The following GARIN5A variants were observed in gnomAD, a reference collection of about 807,000 sequenced individuals.
GARIN5A encodes the protein Golgi-associated RAB2 interactor protein 5A.
the GARIN5A span, among the ~76,000 whole-genome samples, chr19:50,471,960 A>ATG: frequency 6.8e-6 from 1 of 147,700 alleles, no homozygotes; most frequent in Admixed American, 6.7e-5. Flanking sequence ...ACATGTATGT[A>ATG]TGTATATATA....
chr19:50,471,722 ATACATGCACGTGTGTGTATACG>A, the GARIN5A span, among the ~76,000 whole-genome samples: 2 of 147,510 alleles, frequency 1.4e-5, no homozygotes, highest in Non-Finnish European at 3.0e-5. Context: ...GTGTATACGC[ATACATGCACGTGTGTGTATACG>A]CATACATGCA....
the GARIN5A span, chr19:50,476,520 C>T: frequency 7.6e-6 from 12 of 1,569,318 alleles, no homozygotes; most frequent in Admixed American, 1.6e-4. Flanking sequence ...CACAGCCGTC[C>T]CTTCGCTGGT....
the GARIN5A span, among the ~76,000 whole-genome samples, chr19:50,471,716 ATACGCATACATGCACGTGTG>A: frequency 2.0e-5 from 3 of 148,086 alleles, no homozygotes; most frequent in Non-Finnish European, 4.4e-5. Context: ...ACGTGTGTGT[ATACGCATACATGCACGTGTG>A]TGTATACGCA....
At chr19:50,469,797 A>T in the GARIN5A span, among the ~76,000 whole-genome samples, 1 of 152,090 alleles carries the variant, frequency 6.6e-6, no homozygotes, top group Non-Finnish European at 1.5e-5. Context: ...AGACACCCTC[A>T]CACCTGTGCA....
At chr19:50,471,774 C>CCG in the GARIN5A span, among the ~76,000 whole-genome samples, 1 of 127,532 alleles carries the variant, frequency 7.8e-6, no homozygotes, top group Admixed American at 7.9e-5. Context: ...GCATACATAC[C>CCG]TGTGTGTATA....
the GARIN5A span, chr19:50,476,185 G>A: frequency 7.4e-6 from 12 of 1,613,562 alleles, no homozygotes; most frequent in Admixed American, 5.0e-5. Flanking sequence ...GCTTAGGGCC[G>A]CGATCCCGCC....
At chr19:50,470,531 C>T in the GARIN5A span, among the ~76,000 whole-genome samples, 18 of 151,462 alleles carry the variant, frequency 1.2e-4, no homozygotes, top group Non-Finnish European at 2.7e-4. Flanking sequence ...AAAAAGAGTC[C>T]AATTGTGCAA....
chr19:50,473,264 A>G, the GARIN5A span, among the ~76,000 whole-genome samples: 97 of 152,252 alleles, frequency 6.4e-4, no homozygotes, highest in Non-Finnish European at 1.1e-3. Flanking sequence ...GTGTGAGACA[A>G]TGTGAGTTTG....
At chr19:50,476,526 C>T in the GARIN5A span, 45 of 1,569,822 alleles carry the variant, frequency 2.9e-5, no homozygotes, top group Admixed American at 2.0e-4. Context: ...CGTCCCTTCG[C>T]TGGTGGGAAG....
chr19:50,475,792 C>T, the GARIN5A span: 1 of 1,430,718 alleles, frequency 7.0e-7, no homozygotes, highest in Non-Finnish European at 9.9e-7. Context: ...GGTCGAGGGG[C>T]AGGCCGAGGC....
the GARIN5A span, among the ~76,000 whole-genome samples, chr19:50,470,714 G>A: frequency 6.7e-6 from 1 of 148,190 alleles, no homozygotes; most frequent in African/African-American, 2.5e-5. Flanking sequence ...GAGTGTAATG[G>A]CGCGATCTTG....
chr19:50,472,319 G>GTA, the GARIN5A span, among the ~76,000 whole-genome samples: 98 of 151,740 alleles, frequency 6.5e-4, no homozygotes, highest in Admixed American at 1.8e-3. Context: ...ATGTATGTGT[G>GTA]TATATATATA....
chr19:50,471,986 AT>A, the GARIN5A span, among the ~76,000 whole-genome samples: 1 of 149,964 alleles, frequency 6.7e-6, no homozygotes, highest in East Asian at 1.9e-4. Context: ...ATGTGTGTAT[AT>A]GTATATATAC....
chr19:50,471,913 T>C, the GARIN5A span, among the ~76,000 whole-genome samples: 5 of 150,692 alleles, frequency 3.3e-5, no homozygotes, highest in African/African-American at 9.8e-5. Flanking sequence ...TGTATGTGTG[T>C]ATATGTGTAT....
At chr19:50,469,516 A>G in the GARIN5A span, among the ~76,000 whole-genome samples, 1 of 152,074 alleles carries the variant, frequency 6.6e-6, no homozygotes, top group Non-Finnish European at 1.5e-5. Flanking sequence ...CAGTGGTGAA[A>G]GTTTCCCTGG....
chr19:50,474,590 C>A, the GARIN5A span, among the ~76,000 whole-genome samples: 1 of 152,072 alleles, frequency 6.6e-6, no homozygotes, highest in Non-Finnish European at 1.5e-5. Flanking sequence ...CGTGATCCAC[C>A]CACCTCAGCC....
At chr19:50,470,620 C>T in the GARIN5A span, among the ~76,000 whole-genome samples, 3 of 148,706 alleles carry the variant, frequency 2.0e-5, no homozygotes, top group East Asian at 2.0e-4. Context: ...AGGGGGTGGG[C>T]GCAGGGAGAA....
At chr19:50,472,134 ATATG>A in the GARIN5A span, among the ~76,000 whole-genome samples, 702 of 137,212 alleles carry the variant, frequency 5.1e-3, 14 homozygotes, top group African/African-American at 0.016. Context: ...ATACGTGTGT[ATATG>A]TATGTATACG....
chr19:50,475,631 G>C, the GARIN5A span: 6 of 707,626 alleles, frequency 8.5e-6, no homozygotes, highest in African/African-American at 1.1e-4. Context: ...GTGAAGTCAG[G>C]GAAACTGAGG....
Sources: gnomAD v4.1 joint callset for allele counts (sites outside exome capture counted in the v4.1 genomes callset) on GRCh38, gnomAD v4.1.1 for gene constraint, MANE v1.5 for transcripts, NCBI Gene and HGNC (gene_info 2026-07-23, HGNC 2026-07-21) for gene names.